UGT1A9: variants seen among roughly 807,000 people sequenced by gnomAD.
UGT1A9 encodes the protein UDP glucuronosyltransferase family 1 member A9.
A neutral mutation model predicts 45.0 loss-of-function variants in UGT1A9; 35 were observed. The ratio of observed to expected loss-of-function variants is 0.78; its 90% CI spans 0.59 to 1.03. The LOEUF is 1.03. Among genes scored for constraint, UGT1A9 ranks in the 50% least tolerant of loss-of-function variants. The pLI, the probability that UGT1A9 is intolerant of heterozygous loss-of-function variation, is 0.00. For missense variants in UGT1A9, 687 were observed against 666.6 expected (o/e 1.03, Z -0.34); for synonymous variants, 278 against 250.6 (o/e 1.11, Z -1.03).
chr2:233,681,865 T>C, intron 1 of UGT1A9: 2 of 1,535,100 alleles, frequency 1.3e-6, no homozygotes. Flanking sequence ...GCAGGTTCTA[T>C]CTGTACTTCT....
At chr2:233,695,394 G>A (rs1244656271) in intron 1 of UGT1A9, among the ~76,000 whole-genome samples, 1 of 151,138 alleles carries the variant, frequency 6.6e-6, no homozygotes, top group African/African-American at 2.4e-5. Context: ...AAAGTGCTGG[G>A]ATTACAGGCG....
intron 1 of UGT1A9, chr2:233,760,407 G>A (rs749423657): frequency 4.3e-6 from 7 of 1,614,102 alleles, no homozygotes; most frequent in Non-Finnish European, 5.9e-6. Context: ...GCAGCCACTG[G>A]CTGAGCATGC....
rs939309903 is a variant in UGT1A9, at chr2:233,740,736, CCT to C, written c.856-26297_856-26296del. ...CATCTTTGCACCACAGGAAATGCCC[CCT>C]TTTACACTCTGAAAACCTTATCAAA... On this transcript the variant is annotated intron_variant, in intron 1 of 4. Coordinates refer to ENST00000354728, the MANE Select transcript of UGT1A9 (RefSeq NM_021027.3). 6.7e-4 allele frequency: 101 copies of C among 151,790 alleles called. 3 individuals are homozygous for C. The highest frequency in any genetic ancestry group is 2.3e-3 in the African/African-American group (96 of 41,118). 9.4% of individuals were successfully genotyped at this position (151,790 alleles called of 1,614,324 possible).
intron 1 of UGT1A9, among the ~76,000 whole-genome samples, chr2:233,748,634 A>G (rs1335024517): frequency 6.6e-6 from 1 of 151,774 alleles, no homozygotes; most frequent in East Asian, 1.9e-4. Context: ...GTCTGTGATT[A>G]TAGAATTACA....
intron 1 of UGT1A9, chr2:233,743,783 C>T (rs781656153): frequency 2.2e-6 from 3 of 1,367,380 alleles, no homozygotes; most frequent in Non-Finnish European, 2.9e-6. Context: ...CTGCTTGAAT[C>T]TCCTCTCCGC....
chr2:233,693,459 C>G (rs201855477), intron 1 of UGT1A9: 10 of 1,614,104 alleles, frequency 6.2e-6, no homozygotes, highest in Middle Eastern at 1.6e-4. Flanking sequence ...ACAGACCCAG[C>G]CTTACCCTGT....
chr2:233,728,265 C>G (rs1230027648), intron 1 of UGT1A9, among the ~76,000 whole-genome samples: 1 of 152,182 alleles, frequency 6.6e-6, no homozygotes, highest in Admixed American at 6.5e-5. Context: ...GAAATAAAGA[C>G]TGGAGCCTTC....
intron 1 of UGT1A9, chr2:233,761,223 C>T: frequency 1.2e-6 from 2 of 1,613,412 alleles, no homozygotes; most frequent in Non-Finnish European, 1.7e-6. Context: ...ATTAACTAGC[C>T]CCAGATATAT....
At chr2:233,749,646 T>C (rs1395564636) in intron 1 of UGT1A9, among the ~76,000 whole-genome samples, 1 of 151,888 alleles carries the variant, frequency 6.6e-6, no homozygotes, top group Non-Finnish European at 1.5e-5. Flanking sequence ...AAATCTCATC[T>C]TGAATTGTAA....
intron 1 of UGT1A9, chr2:233,743,214 G>T (rs1433363859): frequency 4.9e-6 from 2 of 406,726 alleles, no homozygotes; most frequent in Non-Finnish European, 9.7e-6. Context: ...CGGAGTAACT[G>T]CTCTTTGCTA....
intron 1 of UGT1A9, among the ~76,000 whole-genome samples, chr2:233,752,803 G>A (rs140636687): frequency 3.1e-4 from 47 of 152,278 alleles, no homozygotes; most frequent in African/African-American, 1.1e-3. Flanking sequence ...TTCTGTAGAA[G>A]GAACACTTCC....
intron 1 of UGT1A9, chr2:233,713,988 T>C (rs1034090068): frequency 1.1e-5 from 18 of 1,575,780 alleles, no homozygotes; most frequent in Non-Finnish European, 1.5e-5. Flanking sequence ...ATTGTTGTAA[T>C]AGTCTTCAGT....
chr2:233,713,763 C>T (rs145951104), intron 1 of UGT1A9: 46 of 1,613,764 alleles, frequency 2.9e-5, no homozygotes, highest in Admixed American at 1.5e-4. Context: ...GTGGCTGTTC[C>T]GAGGGGACTT....
At chr2:233,738,068 C>G (rs1312345006) in intron 1 of UGT1A9, among the ~76,000 whole-genome samples, 1 of 152,082 alleles carries the variant, frequency 6.6e-6, no homozygotes, top group Non-Finnish European at 1.5e-5. Context: ...GGGAGGTCCC[C>G]ACCTCCTAAT....
chr2:233,749,891 C>A (rs769638729), intron 1 of UGT1A9, among the ~76,000 whole-genome samples: 71 of 152,066 alleles, frequency 4.7e-4, no homozygotes, highest in Admixed American at 1.4e-3. Context: ...CTGAGGCTCC[C>A]CCCTCCAGCC....
At chr2:233,676,509 G>T (rs546773074) in intron 1 of UGT1A9, among the ~76,000 whole-genome samples, 43 of 152,264 alleles carry the variant, frequency 2.8e-4, no homozygotes, top group African/African-American at 9.4e-4. Context: ...GCTAAAGTCT[G>T]TTTCCTTCAG....
chr2:233,731,410 T>C (rs2078155663), intron 1 of UGT1A9, among the ~76,000 whole-genome samples: 1 of 152,132 alleles, frequency 6.6e-6, no homozygotes. Flanking sequence ...ACATTAGGTA[T>C]TTTTCCTAAT....
At chr2:233,716,548 A>G (rs17864696) in intron 1 of UGT1A9, among the ~76,000 whole-genome samples, 1 of 152,142 alleles carries the variant, frequency 6.6e-6, no homozygotes, top group African/African-American at 2.4e-5. Context: ...CTCTCCTTAT[A>G]TTCCTTTTTT....
At chr2:233,734,881 G>T (rs1413647330) in intron 1 of UGT1A9, among the ~76,000 whole-genome samples, 2 of 152,202 alleles carry the variant, frequency 1.3e-5, no homozygotes, top group Non-Finnish European at 2.9e-5. Flanking sequence ...CTGAGAGACA[G>T]TTTGTTGTGA....
Sources: gnomAD v4.1 joint callset for allele counts (sites outside exome capture counted in the v4.1 genomes callset) on GRCh38, gnomAD v4.1.1 for gene constraint, MANE v1.5 for transcripts, NCBI Gene and HGNC (gene_info 2026-07-23, HGNC 2026-07-21) for gene names.